Variants in KIRREL3 observed in about 807,000 individuals in gnomAD.
The protein encoded by KIRREL3 is kirre like nephrin family adhesion molecule 3, also known as kin of IRRE-like protein 3.
A neutral mutation model predicts 89.7 loss-of-function variants in KIRREL3; 36 were observed. The ratio of observed to expected loss-of-function variants is 0.40; its 90% CI spans 0.31 to 0.53. KIRREL3 has a LOEUF of 0.53. Ranked by LOEUF, KIRREL3 falls within the 20% of genes least tolerant of loss-of-function variation. The pLI, the probability that KIRREL3 is intolerant of heterozygous loss-of-function variation, is 0.49. For missense variants in KIRREL3, 864 were observed against 1,056.6 expected, an observed-to-expected ratio of 0.82 and a Z score of 2.53; for synonymous variants, 445 against 441.4, an observed-to-expected ratio of 1.01 and a Z score of -0.10.
Position 126,811,012 on chromosome 11 carries a change from C to A in KIRREL3, c.55+189443G>T, listed in dbSNP as rs1394274596. On this transcript the variant is annotated intron_variant, in intron 1 of 16. Coordinates refer to ENST00000525144, the MANE Select transcript of KIRREL3 (RefSeq NM_032531.4). The surrounding 1 kb of genome is among the most constrained non-coding windows in gnomAD (Gnocchi z 4.3). Reference sequence around the variant, plus strand: ...GAGCCTTGCAGCCGGTCTGACAAACCCCATCTGCTTCGTTCTCTTGGCCAC... The same window carrying A: ...GAGCCTTGCAGCCGGTCTGACAAACACCATCTGCTTCGTTCTCTTGGCCAC... Among the ~76,000 whole-genome samples the A allele has an allele frequency of 2.0e-5, 3 of 152,092 alleles. No homozygotes were observed. The highest frequency in any genetic ancestry group is 4.4e-5 in the Non-Finnish European group (3 of 68,026).
chr11:126,997,140 C>T lies in KIRREL3; in HGVS notation c.55+3315G>A, dbSNP rs116320446. ...CATGTGCAGGCTGGATGGGATGGGG[C>T]TTGAAGCTTAAGGAGGGCACAGAAG... is the stretch of plus-strand genomic sequence containing the variant. On this transcript the variant is annotated intron_variant, in intron 1 of 16. Transcript: ENST00000525144. This position sits in a 1 kb window ranked among gnomAD's most constrained non-coding sequence, Gnocchi z 4.3. Among the ~76,000 whole-genome samples, 3,659 of 152,120 alleles carry T rather than the reference C, an allele frequency of 0.024. 136 individuals carry two copies. Among genetic ancestry groups the T allele is most frequent in the African/African-American group, 0.082 (3,408 of 41,476 alleles).
intron 1 of KIRREL3, among the ~76,000 whole-genome samples, chr11:126,665,664 G>C (rs1029825828): frequency 1.3e-5 from 2 of 152,192 alleles, no homozygotes; most frequent in African/African-American, 4.8e-5. Flanking sequence ...CTTGATCTTG[G>C]ACTTCTCCAC....
rs1724718570 is a variant in KIRREL3, at chr11:126,754,899, CA to C, written c.56-191988del. Reference sequence around the variant, plus strand: ...CTGAGCAGCTGCCTGAAAGTTGATGCAGTGGGAATAATTTATTTCTTCTTCC... The same window carrying C: ...CTGAGCAGCTGCCTGAAAGTTGATGCGTGGGAATAATTTATTTCTTCTTCC... On this transcript the variant is annotated intron_variant, in intron 1 of 16. Coordinates refer to ENST00000525144, the MANE Select transcript of KIRREL3 (RefSeq NM_032531.4). This position sits in a 1 kb window ranked among gnomAD's most constrained non-coding sequence, Gnocchi z 5.1. 6.6e-6 allele frequency among the ~76,000 whole-genome samples: 1 copy of C among 152,150 alleles called. No homozygotes were observed. The highest frequency in any genetic ancestry group is 6.5e-5 in the Admixed American group (1 of 15,268).
rs1182625728 is a variant in KIRREL3 at position 126,891,016 on chromosome 11, C to T, written c.55+109439G>A. Among the ~76,000 whole-genome samples, 3 of 152,152 alleles carry T rather than the reference C, an allele frequency of 2.0e-5. No homozygotes were observed. The highest frequency in any genetic ancestry group is 1.9e-4 in the East Asian group (1 of 5,192). ...TATTTAATGAGGTTTATTGTTTGTG[C>T]TTAGTAATTTTCAAAGGCCCATCAC... On this transcript the variant is annotated intron_variant, in intron 1 of 16. Coordinates refer to ENST00000525144, the MANE Select transcript of KIRREL3 (RefSeq NM_032531.4). This position sits in a 1 kb window ranked among gnomAD's most constrained non-coding sequence, Gnocchi z 5.1.
intron 1 of KIRREL3, among the ~76,000 whole-genome samples, chr11:126,822,066 A>G (rs1943245095): frequency 6.6e-6 from 1 of 152,246 alleles, no homozygotes; most frequent in Non-Finnish European, 1.5e-5. Flanking sequence ...GCAAATGCAG[A>G]GTTAATGAGA....
At chr11:126,959,867 C>T (rs1021029488) in intron 1 of KIRREL3, among the ~76,000 whole-genome samples, 23 of 152,300 alleles carry the variant, frequency 1.5e-4, no homozygotes, top group Middle Eastern at 3.4e-3. Flanking sequence ...CTTCCCTTAA[C>T]GGCCATTAGC....
At chr11:126,874,041 T>A (rs934723689) in intron 1 of KIRREL3, among the ~76,000 whole-genome samples, 5 of 152,216 alleles carry the variant, frequency 3.3e-5, no homozygotes, top group Non-Finnish European at 5.9e-5. Flanking sequence ...CCCCTTCCTG[T>A]GCAGATCTGA....
intron 1 of KIRREL3, among the ~76,000 whole-genome samples, chr11:126,858,383 G>T (rs1944601991): frequency 6.6e-6 from 1 of 152,214 alleles, no homozygotes; most frequent in Non-Finnish European, 1.5e-5. Context: ...AGAAGGGTGT[G>T]TGTGGGAGGG....
At position 126,685,539 on chromosome 11, in the gene KIRREL3, T is replaced by C. The variant is rs1312841462; in HGVS notation, c.56-122627A>G. On this transcript the variant is annotated intron_variant, in intron 1 of 16. Transcript: ENST00000525144. This position sits in a 1 kb window ranked among gnomAD's most constrained non-coding sequence, Gnocchi z 5.5. ...AATTAATAATCTATAGTTAATGAGA[T>C]TAAATTAATTATTATTTTAATTATG... Among the ~76,000 whole-genome samples the C allele has an allele frequency of 3.9e-5, 6 of 152,176 alleles. No individual in the cohort carries two copies. The highest frequency in any genetic ancestry group is 8.8e-5 in the Non-Finnish European group (6 of 68,026).
At position 126,498,727 on chromosome 11, in the gene KIRREL3, G is replaced by A. The variant is rs765211037; in HGVS notation, c.433+22588C>T. ...GGGACAGAGCTGGCCTGGCGTCCCA[G>A]TATCCTGCTTCCTGGGAGGAGCACC... On this transcript the variant is annotated intron_variant, in intron 4 of 16. Transcript: ENST00000525144. This position sits in a 1 kb window ranked among gnomAD's most constrained non-coding sequence, Gnocchi z 4.3. 2.0e-5 allele frequency among the ~76,000 whole-genome samples: 3 copies of A among 152,208 alleles called. No individual in the cohort carries two copies. Among genetic ancestry groups the A allele is most frequent in the Non-Finnish European group, 4.4e-5 (3 of 68,036 alleles).
rs1283910506 is a variant in KIRREL3, at chr11:126,496,048, C to T, written c.434-22582G>A. On this transcript the variant is annotated intron_variant, in intron 4 of 16. Coordinates refer to ENST00000525144, the MANE Select transcript of KIRREL3 (RefSeq NM_032531.4). The surrounding 1 kb of genome is among the most constrained non-coding windows in gnomAD (Gnocchi z 4.9). ...CAACAGACATGTGACCCCAGCCCCT[C>T]CTATGTCTGATTGCAGAGATCCAGA... Among the ~76,000 whole-genome samples, 4 of 152,192 alleles carry T rather than the reference C, an allele frequency of 2.6e-5. No individual in the cohort carries two copies. The highest frequency in any genetic ancestry group is 9.7e-5 in the African/African-American group (4 of 41,438).
chr11:126,863,440 TGTGA>T lies in KIRREL3; in HGVS notation c.55+137011_55+137014del, dbSNP rs1372273438. On this transcript the variant is annotated intron_variant, in intron 1 of 16. Coordinates refer to ENST00000525144, the MANE Select transcript of KIRREL3 (RefSeq NM_032531.4). Reference sequence around the variant, plus strand: ...GTGAGCGCATGTGTGTGAGTGCGTGTGTGAGTGTGTGTGTTTGAGTGCGTGTGTG... The same window carrying T: ...GTGAGCGCATGTGTGTGAGTGCGTGTGTGTGTGTGTTTGAGTGCGTGTGTG... 7.4e-4 allele frequency among the ~76,000 whole-genome samples: 80 copies of T among 108,728 alleles called. 1 individual carries two copies. The East Asian group carries it at 9.2e-3, about 12-fold the overall frequency. 71.3% of individuals were successfully genotyped at this position (108,728 alleles called of 152,430 possible).
In KIRREL3 at chr11:126,710,750, G is replaced by A. The variant is rs577813096; in HGVS notation, c.56-147838C>T. 9.5e-4 allele frequency among the ~76,000 whole-genome samples: 144 copies of A among 152,298 alleles called. No homozygotes were observed. The highest frequency in any genetic ancestry group is 2.4e-3 in the Admixed American group (37 of 15,306). On this transcript the variant is annotated intron_variant, in intron 1 of 16. Coordinates refer to ENST00000525144, the MANE Select transcript of KIRREL3 (RefSeq NM_032531.4). This position sits in a 1 kb window ranked among gnomAD's most constrained non-coding sequence, Gnocchi z 4.2. ...TTTTGTTTTAGGCTAAATAAGAAAA[G>A]TGATACCAAGTCAAACAGATCACAA...
In KIRREL3 at chr11:126,849,657, C is replaced by T. The variant is rs181748374; in HGVS notation, c.55+150798G>A. Among the ~76,000 whole-genome samples the T allele has an allele frequency of 2.0e-5, 3 of 152,302 alleles. No individual in the cohort carries two copies. The East Asian group carries it at 5.8e-4, about 29-fold the overall frequency. ...TGGGCAACGCAGAGATGTCTAGTCACAGACATTTGACTAAAGGGCGGTGGG... is the reference window on the plus strand; with the variant it reads ...TGGGCAACGCAGAGATGTCTAGTCATAGACATTTGACTAAAGGGCGGTGGG... On this transcript the variant is annotated intron_variant, in intron 1 of 16. Transcript: ENST00000525144.
At chr11:126,794,444 A>T (rs1164215601) in intron 1 of KIRREL3, among the ~76,000 whole-genome samples, 1 of 152,204 alleles carries the variant, frequency 6.6e-6, no homozygotes, top group African/African-American at 2.4e-5. Context: ...TTTTTCATAT[A>T]ATCATTCTGA....
rs1322023406 is a variant in KIRREL3, at chr11:126,496,236, C to T, written c.434-22770G>A. Among the ~76,000 whole-genome samples the T allele has an allele frequency of 6.6e-6, 1 of 152,218 alleles. No homozygotes were observed. The highest frequency in any genetic ancestry group is 1.5e-5 in the Non-Finnish European group (1 of 68,034). Reference sequence around the variant, plus strand: ...ACTAGCCAGTCAACTTTCAAAGGTACTTTGTGCTCGGAACATTGAGAGGCA... The same window carrying T: ...ACTAGCCAGTCAACTTTCAAAGGTATTTTGTGCTCGGAACATTGAGAGGCA... On this transcript the variant is annotated intron_variant, in intron 4 of 16. Transcript: ENST00000525144. This position sits in a 1 kb window ranked among gnomAD's most constrained non-coding sequence, Gnocchi z 4.9.
chr11:126,964,489 C>G (rs969794912), intron 1 of KIRREL3, among the ~76,000 whole-genome samples: 2 of 152,098 alleles, frequency 1.3e-5, no homozygotes, highest in African/African-American at 4.8e-5. Flanking sequence ...CCTCCTAGAA[C>G]CCCTCCTCCA....
intron 5 of KIRREL3, among the ~76,000 whole-genome samples, chr11:126,468,328 T>C (rs1956789061): frequency 6.6e-6 from 1 of 152,250 alleles, no homozygotes; most frequent in Admixed American, 6.5e-5. Flanking sequence ...AGGAAGAAGC[T>C]TGGAGGGGCC....
intron 2 of KIRREL3, among the ~76,000 whole-genome samples, chr11:126,552,550 GTTTTTTTTTTTTTTTTT>G (rs59392843): frequency 7.3e-5 from 6 of 81,752 alleles, no homozygotes; most frequent in South Asian, 6.1e-4. Flanking sequence ...AGAGAGAAAA[GTTTTTTTTTTTTTTTTT>G]TTTTTTTTTT....
Sources: allele counts gnomAD v4.1 joint callset (sites outside exome capture counted in the v4.1 genomes callset), GRCh38; gene constraint gnomAD v4.1.1; non-coding constraint Gnocchi (gnomAD v3.1); transcripts MANE v1.5; gene names NCBI Gene and HGNC (gene_info 2026-07-23, HGNC 2026-07-21).